Variants in RRP9 observed in about 807,000 individuals in gnomAD.
The protein encoded by RRP9 is ribosomal RNA processing 9, U3 small nucleolar RNA binding protein.
In RRP9, 35 loss-of-function variants were observed where a neutral mutation model predicts 65.5. That is an observed-to-expected ratio of 0.53 (90% CI 0.41 to 0.71). The LOEUF is 0.71. Ranked by LOEUF, RRP9 falls within the 30% of genes least tolerant of loss-of-function variation. The pLI, the probability that RRP9 is intolerant of heterozygous loss-of-function variation, is 0.00. For missense variants in RRP9, 533 were observed against 633.6 expected, an observed-to-expected ratio of 0.84 and a Z score of 1.70; for synonymous variants, 254 against 245.0, an observed-to-expected ratio of 1.04 and a Z score of -0.34.
At position 51,933,529 on chromosome 3, in the gene RRP9, C is replaced by T; in HGVS notation, c.1405G>A (p.Val469Ile). The T allele has an allele frequency of 4.3e-6, 7 of 1,613,982 alleles. No individual in the cohort carries two copies. The highest frequency in any genetic ancestry group is 5.9e-6 in the Non-Finnish European group (7 of 1,179,930). The change falls in exon 15 of 15, where the codon GTA becomes ATA. Residue 469 changes from valine to isoleucine, a missense_variant. By Grantham distance (29) the Val-to-Ile change is conservative (BLOSUM62 3). Around this residue, in one of 3 missense-constraint regions of RRP9, gnomAD observed 449 missense variants for 550.6 expected, o/e 0.82. Coordinates refer to ENST00000232888, the MANE Select transcript of RRP9 (RefSeq NM_004704.5). ...TGTCAGGAACCAGCAGCTGGGGGTACAGGGACCCTGCGGAGTGGGATGATG... is the reference window on the plus strand; with the variant it reads ...TGTCAGGAACCAGCAGCTGGGGGTATAGGGACCCTGCGGAGTGGGATGATG... Reference protein sequence around the residue: ...VCIIPLRRVPVPPAAGS With the variant: ...VCIIPLRRVPIPPAAGS
At chr3:51,941,712 TC>T in intron 1 of RRP9, 68 bp downstream of exon 1, 1 of 1,384,452 alleles carries the variant, frequency 7.2e-7, no homozygotes. Context: ...GGGACCCAGG[TC>T]CCCTGGATGG....
chr3:51,937,425 A>G lies in RRP9; in HGVS notation c.391-107T>C. 2 of 1,605,552 alleles carry G rather than the reference A, an allele frequency of 1.2e-6. No individual in the cohort carries two copies. The highest frequency in any genetic ancestry group is 1.7e-6 in the Non-Finnish European group (2 of 1,173,404). ...TTCCCACCCAGGCCAGAAGGAAAAC[A>G]AGACCCAAGGCTACAACAACCAGAT... On this transcript the variant is annotated intron_variant, in intron 5 of 14. Coordinates refer to ENST00000232888, the MANE Select transcript of RRP9 (RefSeq NM_004704.5). The surrounding 1 kb of genome is among the most constrained non-coding windows in gnomAD (Gnocchi z 5.0).
chr3:51,939,536 G>A (rs1007214265), intron 2 of RRP9, among the ~76,000 whole-genome samples: 1 of 152,252 alleles, frequency 6.6e-6, no homozygotes, highest in African/African-American at 2.4e-5. Flanking sequence ...GAAGGAGCAG[G>A]AGGAGTTCTG....
intron 3 of RRP9, 49 bp downstream of exon 3, chr3:51,938,046 C>A: frequency 6.9e-7 from 1 of 1,458,272 alleles, no homozygotes; most frequent in Non-Finnish European, 9.3e-7. Flanking sequence ...GGGCAGCAGA[C>A]CAGCACAGGC....
intron 14 of RRP9, 33 bp from the exon 15 acceptor site, chr3:51,933,632 G>A (rs1488012220): frequency 6.2e-7 from 1 of 1,610,990 alleles, no homozygotes; most frequent in Non-Finnish European, 8.5e-7. Flanking sequence ...CTGAGACTCG[G>A]CCCAGTCTCC....
chr3:51,936,924 T>C (rs1282911659), intron 6 of RRP9, among the ~76,000 whole-genome samples: 1 of 152,222 alleles, frequency 6.6e-6, no homozygotes, highest in East Asian at 1.9e-4. Flanking sequence ...CTCAAATGTC[T>C]TCTAGTCCAA....
rs1215277376 is a variant in RRP9, at chr3:51,937,239, T to C, written c.470A>G (p.Asp157Gly). 6.2e-7 allele frequency: 1 copy of C among 1,613,984 alleles called. No individual in the cohort carries two copies. The highest frequency in any genetic ancestry group is 1.1e-5 in the South Asian group (1 of 91,074). The change falls in exon 6 of 15, where the codon GAT (aspartate) becomes GGT (glycine). Residue 157 changes from aspartate (D) to glycine (G), a missense_variant. Coordinates refer to ENST00000232888, the MANE Select transcript of RRP9 (RefSeq NM_004704.5). This position sits in a 1 kb window ranked among gnomAD's most constrained non-coding sequence, Gnocchi z 5.0. ...LSITCLVVTPDDSAIFSAAKD... is the reference protein window; with the variant it reads ...LSITCLVVTPGDSAIFSAAKD... ...GGCAGCAGAGAAGATGGCTGAGTCA[T>C]CGGGGGTGACGACCAAACATGTGAT...
chr3:51,937,743 A>T lies in RRP9; in HGVS notation c.281-7T>A. On this transcript the variant is annotated splice_polypyrimidine_tract_variant and splice_region_variant and intron_variant, in intron 3 of 14. Transcript: ENST00000232888. This position sits in a 1 kb window ranked among gnomAD's most constrained non-coding sequence, Gnocchi z 5.0. ...GCCTCAGCCTTCTCCTCCTCTGTGC[A>T]GGACAGACCAGACCAAGTAAACTGA... The T allele has an allele frequency of 6.2e-7, 1 of 1,613,862 alleles. No homozygotes were observed. Among genetic ancestry groups the T allele is most frequent in the Non-Finnish European group, 8.5e-7 (1 of 1,180,016 alleles).
rs769055695 is a variant in RRP9 at position 51,935,704 on chromosome 3, T to C, written c.736-12A>G. ...CGGAATGCCAGACCCTAAGGGTGCATGGGGAGAGGGCAAAGGGGACCTGGA... is the reference window on the plus strand; with the variant it reads ...CGGAATGCCAGACCCTAAGGGTGCACGGGGAGAGGGCAAAGGGGACCTGGA... On this transcript the variant is annotated splice_polypyrimidine_tract_variant and intron_variant, in intron 8 of 14. Transcript: ENST00000232888. 6.2e-7 allele frequency: 1 copy of C among 1,609,474 alleles called. No homozygotes were observed. Among genetic ancestry groups the C allele is most frequent in the East Asian group, 2.2e-5 (1 of 44,840 alleles).
In RRP9 at chr3:51,935,271, G is replaced by A. The variant is rs890311600; in HGVS notation, c.972-12C>T. On this transcript the variant is annotated splice_polypyrimidine_tract_variant and intron_variant, in intron 10 of 14. Coordinates refer to ENST00000232888, the MANE Select transcript of RRP9 (RefSeq NM_004704.5). ...AGTCGATGGAGCCCCTGGAGAAAGG[G>A]GCTGTGAGGAGCGTGGCCCAAGCCC... The A allele has an allele frequency of 3.7e-6, 6 of 1,614,066 alleles. No individual in the cohort carries two copies. Among genetic ancestry groups the A allele is most frequent in the Non-Finnish European group, 5.1e-6 (6 of 1,180,040 alleles).
At chr3:51,941,533 C>A (rs1217815754) in intron 1 of RRP9, 42 bp from the exon 2 acceptor site, 1 of 1,570,242 alleles carries the variant, frequency 6.4e-7, no homozygotes, top group African/African-American at 1.4e-5. Flanking sequence ...GGGTCCAGAC[C>A]ACCCTGGCAT....
In RRP9 at chr3:51,936,506, C is replaced by T; in HGVS notation, c.567G>A (p.Lys189=). ...RKLHVIPRAK[K]GAEGKPPGHS... is the part of the protein sequence containing the mutation. Reference sequence around the variant, plus strand: ...GGCCAGGGGGCTTTCCCTCGGCACCCTTCTTGGCTCGAGGAATCACATGCA... The same window carrying T: ...GGCCAGGGGGCTTTCCCTCGGCACCTTTCTTGGCTCGAGGAATCACATGCA... The change falls in exon 7 of 15, where the codon AAG becomes AAA. Residue 189 remains lysine (K), a synonymous_variant. Transcript: ENST00000232888. 1 of 1,614,180 alleles carries T rather than the reference C, an allele frequency of 6.2e-7. No individual in the cohort carries two copies. The highest frequency in any genetic ancestry group is 8.5e-7 in the Non-Finnish European group (1 of 1,180,026).
intron 2 of RRP9, among the ~76,000 whole-genome samples, chr3:51,941,151 A>G (rs1370905056): frequency 6.6e-6 from 1 of 152,212 alleles, no homozygotes; most frequent in Non-Finnish European, 1.5e-5. Flanking sequence ...GTTTTCCTGC[A>G]ATTTCTCAAT....
Position 51,937,043 on chromosome 3 carries a change from G to C in RRP9, c.517+149C>G. ...CCACTGCCGGGCAGCAGCTTTCACT[G>C]TCACCCAGAGAGCACTCCTAGGGCA... On this transcript the variant is annotated intron_variant, in intron 6 of 14. Coordinates refer to ENST00000232888, the MANE Select transcript of RRP9 (RefSeq NM_004704.5). The surrounding 1 kb of genome is among the most constrained non-coding windows in gnomAD (Gnocchi z 5.0). 1.0e-6 allele frequency: 1 copy of C among 972,648 alleles called. No homozygotes were observed. The highest frequency in any genetic ancestry group is 1.5e-6 in the Non-Finnish European group (1 of 652,318). The allele number at this position is 972,648 out of a possible 1,614,324, so 60.3% of individuals were successfully genotyped here.
In RRP9 at chr3:51,936,650, CA is replaced by C; in HGVS notation, c.518-96del. 2.9e-6 allele frequency: 4 copies of C among 1,372,012 alleles called. No individual in the cohort carries two copies. In the South Asian group the frequency reaches 5.1e-5, roughly 17 times the overall value. 85.0% of individuals were successfully genotyped at this position (1,372,012 alleles called of 1,614,324 possible). ...GGCAGCATGGAAAAAAGAGCCATGG[CA>C]AATGTCCCGGACTCGGCCAGAAGAC... On this transcript the variant is annotated intron_variant, in intron 6 of 14. Coordinates refer to ENST00000232888, the MANE Select transcript of RRP9 (RefSeq NM_004704.5).
intron 2 of RRP9, among the ~76,000 whole-genome samples, chr3:51,938,472 G>T (rs1482257585): frequency 6.6e-6 from 1 of 152,198 alleles, no homozygotes; most frequent in Non-Finnish European, 1.5e-5. Flanking sequence ...AGGCTTCCAA[G>T]AGAAACCAGG....
In RRP9 at chr3:51,937,787, C is replaced by T; in HGVS notation, c.281-51G>A. 5.6e-6 allele frequency: 9 copies of T among 1,601,036 alleles called. No homozygotes were observed. The highest frequency in any genetic ancestry group is 1.1e-5 in the South Asian group (1 of 90,538). ...AAACTGAGGCTGAGACCCCTCTTTC[C>T]CTTCCATCCTGTCCCCATCCCACTG... On this transcript the variant is annotated intron_variant, in intron 3 of 14. Coordinates refer to ENST00000232888, the MANE Select transcript of RRP9 (RefSeq NM_004704.5). This position sits in a 1 kb window ranked among gnomAD's most constrained non-coding sequence, Gnocchi z 5.0.
chr3:51,937,559 A>T lies in RRP9; in HGVS notation c.376T>A (p.Leu126Met). Residue 126 changes from leucine to methionine, a missense_variant, in exon 5 of 15, where the codon TTG (leucine) becomes ATG (methionine). This residue lies in a region of RRP9 where 449 missense variants were observed against 550.6 expected (regional missense o/e 0.82). Coordinates refer to ENST00000232888, the MANE Select transcript of RRP9 (RefSeq NM_004704.5). The surrounding 1 kb of genome is among the most constrained non-coding windows in gnomAD (Gnocchi z 5.0). ...VLEQRGRLQK[L>M]VAKEIQAPAS... Reference sequence around the variant, plus strand: ...TGCCCACTCACCTCTTTTGCCACCAACTTCTGCAGCCTGCCCCTCTGCTCA... The same window carrying T: ...TGCCCACTCACCTCTTTTGCCACCATCTTCTGCAGCCTGCCCCTCTGCTCA... 1.9e-6 allele frequency: 3 copies of T among 1,614,080 alleles called. No individual in the cohort carries two copies.
At chr3:51,941,138 T>C (rs1222911306) in intron 2 of RRP9, among the ~76,000 whole-genome samples, 1 of 152,228 alleles carries the variant, frequency 6.6e-6, no homozygotes, top group African/African-American at 2.4e-5. Flanking sequence ...ACAGCTTTGT[T>C]CTGTTTTCCT....
Sources: gnomAD v4.1 joint callset for allele counts (sites outside exome capture counted in the v4.1 genomes callset) on GRCh38, gnomAD v4.1.1 for gene constraint, gnomAD v4.1.1 regional missense constraint, Gnocchi (gnomAD v3.1) non-coding constraint, MANE v1.5 for transcripts, NCBI Gene and HGNC (gene_info 2026-07-23, HGNC 2026-07-21) for gene names.